The following MET variants were observed in gnomAD, a reference collection of about 807,000 sequenced individuals.
The protein encoded by MET is hepatocyte growth factor receptor.
A neutral mutation model predicts 133.1 loss-of-function variants in MET; 48 were observed. The ratio of observed to expected loss-of-function variants is 0.36; its 90% CI spans 0.29 to 0.46. MET has a LOEUF of 0.46. Ranked by LOEUF, MET falls within the 20% of genes least tolerant of loss-of-function variation. The pLI, the probability that MET is intolerant of heterozygous loss-of-function variation, is 1.00. For missense variants in MET, 1,442 were observed against 1,695.9 expected, an observed-to-expected ratio of 0.85 and a Z score of 2.63; for synonymous variants, 628 against 616.5, an observed-to-expected ratio of 1.02 and a Z score of -0.28.
intron 19 of MET, among the ~76,000 whole-genome samples, chr7:116,794,198 G>T (rs1278009708): frequency 6.6e-6 from 1 of 151,982 alleles, no homozygotes; most frequent in Non-Finnish European, 1.5e-5. Context: ...TGTTCATTCA[G>T]CCCTGGGACC....
chr7:116,714,760 C>CAG (rs1287077050), intron 2 of MET, among the ~76,000 whole-genome samples: 1 of 151,636 alleles, frequency 6.6e-6, no homozygotes, highest in South Asian at 2.1e-4. Context: ...CACACACACA[C>CAG]ACACACACAC....
chr7:116,717,355 C>T (rs1456819862), intron 2 of MET, among the ~76,000 whole-genome samples: 1 of 152,174 alleles, frequency 6.6e-6, no homozygotes, highest in Non-Finnish European at 1.5e-5. Context: ...CTCTGTGCCT[C>T]CCTGCGTGCA....
chr7:116,703,708 A>G (rs1334802639), intron 2 of MET, among the ~76,000 whole-genome samples: 3 of 152,150 alleles, frequency 2.0e-5, no homozygotes, highest in African/African-American at 7.2e-5. Flanking sequence ...AAGGAGAATC[A>G]GTACACATTG....
intron 1 of MET, among the ~76,000 whole-genome samples, chr7:116,680,699 T>TA (rs1482345480): frequency 6.6e-5 from 10 of 152,052 alleles, no homozygotes. Context: ...CCCAGCACTT[T>TA]AGGAGGCCAA....
chr7:116,679,380 C>T, intron 1 of MET, among the ~76,000 whole-genome samples: 1 of 152,160 alleles, frequency 6.6e-6, no homozygotes, highest in East Asian at 1.9e-4. Context: ...TATTGAAATT[C>T]ATTTTGCACC....
At chr7:116,758,069 A>G (rs564648735) in intron 8 of MET, among the ~76,000 whole-genome samples, 2 of 152,124 alleles carry the variant, frequency 1.3e-5, no homozygotes, top group East Asian at 3.8e-4. Flanking sequence ...GAGTCTGGTC[A>G]TTGATAATAA....
At chr7:116,704,511 T>C (rs776735081) in intron 2 of MET, among the ~76,000 whole-genome samples, 1 of 152,094 alleles carries the variant, frequency 6.6e-6, no homozygotes. Context: ...CAAATTCAAA[T>C]GATTGGATTA....
At position 116,774,967 on chromosome 7, in the gene MET, G is replaced by A. The variant is rs777748634; in HGVS notation, c.3115G>A (p.Asp1039Asn). ...CATGTCCCCCATCCTAACTAGTGGG[G>A]ACTCTGATATATCCAGTCCATTACT... Reference protein sequence around the residue: ...TDMSPILTSGDSDISSPLLQN... With the variant: ...TDMSPILTSGNSDISSPLLQN... Residue 1039 changes from aspartate (D) to asparagine (N), a missense_variant, in exon 15 of 21, where the codon GAC becomes AAC. Physicochemically the swap from Asp to Asn is conservative, Grantham distance 23 (BLOSUM62 1). This residue lies in a region of MET where 514 missense variants were observed against 659.6 expected (regional missense o/e 0.78). Transcript: ENST00000397752. 6.2e-7 allele frequency: 1 copy of A among 1,614,126 alleles called. No individual in the cohort carries two copies. The highest frequency in any genetic ancestry group is 8.5e-7 in the Non-Finnish European group (1 of 1,180,004).
intron 1 of MET, among the ~76,000 whole-genome samples, chr7:116,698,533 G>T (rs1797046285): frequency 6.6e-6 from 1 of 152,098 alleles, no homozygotes; most frequent in East Asian, 1.9e-4. Flanking sequence ...TGATCATATT[G>T]CTTCTAGAAT....
In MET at chr7:116,735,779, C is replaced by CTT. The variant is rs34534013; in HGVS notation, c.1392+3936_1392+3937dup. ...TAACCCTAAAGAATGTTAGCTTTGG[C>CTT]TTTTTTTTTTTTTTTTTCACAGTGT... On this transcript the variant is annotated intron_variant, in intron 3 of 20. Transcript: ENST00000397752. 2.9e-3 allele frequency among the ~76,000 whole-genome samples: 374 copies of CTT among 129,810 alleles called. 8 individuals carry two copies. The highest frequency in any genetic ancestry group is 4.7e-3 in the African/African-American group (163 of 34,604). 85.2% of individuals were successfully genotyped at this position (129,810 alleles called of 152,430 possible). A position where few individuals can be genotyped will look rare whatever the true frequency, so the allele number is the denominator to read the frequency against.
At chr7:116,791,596 T>A (rs1162399303) in intron 19 of MET, among the ~76,000 whole-genome samples, 1 of 152,182 alleles carries the variant, frequency 6.6e-6, no homozygotes, top group Non-Finnish European at 1.5e-5. Flanking sequence ...TTTTTGTTTC[T>A]TATTGAATTG....
intron 5 of MET, among the ~76,000 whole-genome samples, chr7:116,754,166 A>G (rs551325522): frequency 6.6e-6 from 1 of 152,200 alleles, no homozygotes; most frequent in South Asian, 2.1e-4. Flanking sequence ...GAATGAATGA[A>G]TGAATGAATG....
At chr7:116,676,074 C>T (rs1036649236) in intron 1 of MET, among the ~76,000 whole-genome samples, 6 of 152,092 alleles carry the variant, frequency 3.9e-5, no homozygotes, top group Admixed American at 6.6e-5. Flanking sequence ...GAAAAAATCA[C>T]GTGTGGCATT....
intron 11 of MET, among the ~76,000 whole-genome samples, chr7:116,765,446 T>A (rs371091263): frequency 8.5e-5 from 13 of 152,140 alleles, no homozygotes; most frequent in Admixed American, 6.5e-4. Flanking sequence ...GAGATTGTGA[T>A]CATTCCCTGC....
At chr7:116,724,824 C>A in intron 2 of MET, 1 of 1,289,270 alleles carries the variant, frequency 7.8e-7, no homozygotes, top group Non-Finnish European at 1.0e-6. Context: ...AGAGCCTAGG[C>A]TTAGTCCTAG....
intron 3 of MET, among the ~76,000 whole-genome samples, chr7:116,735,662 TTAGGGATTTCTAACTTAC>T (rs1028966184): frequency 2.6e-4 from 40 of 152,334 alleles, no homozygotes; most frequent in African/African-American, 9.6e-4. Flanking sequence ...ATGATTCTCT[TTAGGGATTTCTAACTTAC>T]CCATCTCTTT....
At chr7:116,695,628 A>C (rs1390946091) in intron 1 of MET, 1 of 310,422 alleles carries the variant, frequency 3.2e-6, no homozygotes, top group Non-Finnish European at 6.7e-6. Flanking sequence ...ATAGTGAAGC[A>C]CTTAAGAGCA....
At chr7:116,755,626 G>A in intron 6 of MET, 111 bp downstream of exon 6, 1 of 1,325,254 alleles carries the variant, frequency 7.5e-7, no homozygotes, top group Non-Finnish European at 1.1e-6. Flanking sequence ...ATTAAAAAGG[G>A]TCTTGGCCTG....
intron 1 of MET, among the ~76,000 whole-genome samples, chr7:116,685,934 A>T (rs1206893882): frequency 1.3e-5 from 2 of 152,024 alleles, no homozygotes; most frequent in African/African-American, 4.8e-5. Flanking sequence ...TGTCTTCAAA[A>T]TAGAACCAGA....
Sources: allele counts gnomAD v4.1 joint callset (sites outside exome capture counted in the v4.1 genomes callset), GRCh38; gene constraint gnomAD v4.1.1; regional missense constraint gnomAD v4.1.1; transcripts MANE v1.5; gene names NCBI Gene and HGNC (gene_info 2026-07-23, HGNC 2026-07-21).